Variants in MSANTD3 observed in about 807,000 individuals in gnomAD.
The protein encoded by MSANTD3 is Myb/SANT DNA binding domain containing 3.
In MSANTD3, 11 loss-of-function variants were observed where a neutral mutation model predicts 27.7. The observed-to-expected ratio is 0.40, with a 90% CI of 0.25 to 0.66. The LOEUF is 0.66. Ranked by LOEUF, MSANTD3 falls within the 30% of genes least tolerant of loss-of-function variation. MSANTD3 has a pLI of 0.41. For synonymous variants in MSANTD3, 131 were observed against 127.2 expected (o/e 1.03, Z -0.20); for missense variants, 250 against 336.5 (o/e 0.74, Z 2.01).
intron 1 of MSANTD3, among the ~76,000 whole-genome samples, chr9:100,440,268 G>C (rs1244701999): frequency 6.6e-6 from 1 of 152,136 alleles, no homozygotes; most frequent in Non-Finnish European, 1.5e-5. Context: ...ATGATTCTAA[G>C]AATACCAGAC....
chr9:100,449,741 G>A (rs74381348), intron 2 of MSANTD3, among the ~76,000 whole-genome samples: 12 of 152,166 alleles, frequency 7.9e-5, no homozygotes, highest in Admixed American at 3.3e-4. Context: ...GATAAGAACA[G>A]AGCCACAGAT....
chr9:100,443,091 C>CA (rs1296210221), intron 2 of MSANTD3, among the ~76,000 whole-genome samples: 1 of 152,042 alleles, frequency 6.6e-6, no homozygotes, highest in Non-Finnish European at 1.5e-5. Context: ...GTAGGCCACT[C>CA]AAAAGGCCAT....
At chr9:100,449,204 C>A in intron 2 of MSANTD3, 1 of 985,362 alleles carries the variant, frequency 1.0e-6, no homozygotes, top group Non-Finnish European at 1.2e-6. Flanking sequence ...TTCCTTATTG[C>A]AACTCCCTAA....
intron 1 of MSANTD3, among the ~76,000 whole-genome samples, chr9:100,432,747 T>G (rs1014701764): frequency 2.0e-5 from 3 of 152,174 alleles, no homozygotes; most frequent in African/African-American, 4.8e-5. Context: ...TCATCTAAAG[T>G]GCTGAGATCA....
At position 100,435,496 on chromosome 9, in the gene MSANTD3, A is replaced by T. The variant is rs148845641; in HGVS notation, c.-33-6410A>T. On this transcript the variant is annotated intron_variant, in intron 1 of 2. Transcript: ENST00000395067. ...CTTAAAAATCACTAGATGGTATATT[A>T]GTCTTCTCAGGCTACCATAATAAAA... Among the ~76,000 whole-genome samples, 368 of 152,348 alleles carry T rather than the reference A, an allele frequency of 2.4e-3. 2 individuals carry two copies. Among genetic ancestry groups the T allele is most frequent in the African/African-American group, 8.2e-3 (342 of 41,584 alleles).
chr9:100,437,570 A>T (rs375515076), intron 1 of MSANTD3, among the ~76,000 whole-genome samples: 1 of 152,220 alleles, frequency 6.6e-6, no homozygotes, highest in Admixed American at 6.5e-5. Flanking sequence ...ATTGCCTTGT[A>T]TCAGAATCCC....
chr9:100,429,068 G>C (rs902769904), intron 1 of MSANTD3, among the ~76,000 whole-genome samples: 1 of 152,170 alleles, frequency 6.6e-6, no homozygotes, highest in Non-Finnish European at 1.5e-5. Flanking sequence ...CTCCCAGTTG[G>C]TGATGATTTG....
intron 2 of MSANTD3, chr9:100,449,318 G>A (rs997758412): frequency 1.1e-6 from 1 of 916,988 alleles, no homozygotes; most frequent in Non-Finnish European, 1.3e-6. Context: ...TATATTCAAG[G>A]GTTCAGCCAA....
chr9:100,436,885 A>C (rs993618118), intron 1 of MSANTD3, among the ~76,000 whole-genome samples: 3 of 151,938 alleles, frequency 2.0e-5, no homozygotes, highest in Non-Finnish European at 4.4e-5. Flanking sequence ...GCTCACTGCA[A>C]CCTCCGCCTC....
At chr9:100,445,189 A>G in intron 2 of MSANTD3, 1 of 1,609,564 alleles carries the variant, frequency 6.2e-7, no homozygotes, top group Non-Finnish European at 8.5e-7. Context: ...AGAAAGAAAA[A>G]GAAGCCTGGA....
intron 1 of MSANTD3, among the ~76,000 whole-genome samples, chr9:100,428,274 T>C (rs1836289108): frequency 6.6e-6 from 1 of 152,246 alleles, no homozygotes; most frequent in Non-Finnish European, 1.5e-5. Flanking sequence ...TGCAGGGATA[T>C]ATTTGTCATA....
At position 100,427,377 on chromosome 9, in the gene MSANTD3, C is replaced by A. The variant is rs1836268544; in HGVS notation, c.-50C>A. On this transcript the variant is annotated 5_prime_UTR_variant, in exon 1 of 3. Coordinates refer to ENST00000395067, the MANE Select transcript of MSANTD3 (RefSeq NM_080655.3). ...GCCCCTCCCCCGGTCGCCGCGGCTG[C>A]CGCGCCGCCGCTGCAGGTAGGAGGC... 1.4e-5 allele frequency: 2 copies of A among 147,418 alleles called. No individual in the cohort carries two copies. The highest frequency in any genetic ancestry group is 1.3e-4 in the Admixed American group (2 of 14,840). The allele number at this position is 147,418 out of a possible 1,614,324, so 9.1% of individuals were successfully genotyped here.
chr9:100,432,027 T>A (rs1326725039), intron 1 of MSANTD3, among the ~76,000 whole-genome samples: 1 of 151,996 alleles, frequency 6.6e-6, no homozygotes, highest in Non-Finnish European at 1.5e-5. Context: ...GGTTAGGACT[T>A]TAAGAACTCT....
chr9:100,427,450 G>C (rs1836271034), intron 1 of MSANTD3, 57 bp downstream of exon 1: 1 of 149,874 alleles, frequency 6.7e-6, no homozygotes, highest in African/African-American at 2.4e-5. Context: ...GGTGGGGGGC[G>C]CGGGCCGGGC....
chr9:100,450,294 T>C (rs1407967554), intron 2 of MSANTD3, among the ~76,000 whole-genome samples: 1 of 152,212 alleles, frequency 6.6e-6, no homozygotes, highest in Non-Finnish European at 1.5e-5. Context: ...AAATGGTTTC[T>C]GACCACGGAT....
At chr9:100,427,854 A>T (rs1836279968) in intron 1 of MSANTD3, among the ~76,000 whole-genome samples, 1 of 152,112 alleles carries the variant, frequency 6.6e-6, no homozygotes, top group Non-Finnish European at 1.5e-5. Context: ...TTGCAGGATG[A>T]AGGCCGAGCA....
intron 2 of MSANTD3, among the ~76,000 whole-genome samples, chr9:100,448,052 C>T (rs1408011862): frequency 6.6e-6 from 1 of 151,894 alleles, no homozygotes; most frequent in African/African-American, 2.4e-5. Context: ...ATTAATCAGG[C>T]TTGGTGGTGT....
In MSANTD3 at chr9:100,442,291, A is replaced by G; in HGVS notation, c.353A>G (p.Gln118Arg). 1 of 1,614,186 alleles carries G rather than the reference A, an allele frequency of 6.2e-7. No individual in the cohort carries two copies. The highest frequency in any genetic ancestry group is 1.7e-5 in the Admixed American group (1 of 60,028). The change falls in exon 2 of 3, where the codon CAG becomes CGG. Residue 118 changes from glutamine (Q) to arginine (R), a missense_variant. This residue lies in a region of MSANTD3 where 235 missense variants were observed against 299.3 expected (regional missense o/e 0.79). Transcript: ENST00000395067. ...AAGATCGCCAGCATGCTGCCGGAGC[A>G]GCTCTACTTCCTGCAGAGCCCCCCG... ...KEKIASMLPEQLYFLQSPPEE... is the reference protein window; with the variant it reads ...KEKIASMLPERLYFLQSPPEE...
chr9:100,450,180 A>G (rs561854232), intron 2 of MSANTD3, among the ~76,000 whole-genome samples: 1 of 151,982 alleles, frequency 6.6e-6, no homozygotes, highest in South Asian at 2.1e-4. Flanking sequence ...AGAGAACTTA[A>G]TTTGAAGATC....
Sources: allele counts gnomAD v4.1 joint callset (sites outside exome capture counted in the v4.1 genomes callset), GRCh38; gene constraint gnomAD v4.1.1; regional missense constraint gnomAD v4.1.1; transcripts MANE v1.5; gene names NCBI Gene and HGNC (gene_info 2026-07-23, HGNC 2026-07-21).